XKR4: variants seen among roughly 807,000 people sequenced by gnomAD.
XKR4 encodes XK-related protein 4.
A neutral mutation model predicts 53.9 loss-of-function variants in XKR4; 12 were observed. The observed-to-expected ratio is 0.22, with a 90% CI of 0.14 to 0.36. The LOEUF (loss-of-function observed/expected upper bound fraction) is 0.36. Among genes scored for constraint, XKR4 ranks in the 10% least tolerant of loss-of-function variants. The pLI is 1.00. For missense variants in XKR4, 799 were observed against 859.5 expected (o/e 0.93, Z 0.88); for synonymous variants, 354 against 362.4 (o/e 0.98, Z 0.26).
intron 1 of XKR4, among the ~76,000 whole-genome samples, chr8:55,353,675 G>T (rs1803758571): frequency 6.6e-6 from 1 of 152,194 alleles, no homozygotes; most frequent in Admixed American, 6.5e-5. Context: ...ATGATCGAAT[G>T]GAGACTATTT....
At chr8:55,126,128 A>G (rs751450072) in intron 1 of XKR4, among the ~76,000 whole-genome samples, 21 of 152,206 alleles carry the variant, frequency 1.4e-4, no homozygotes, top group Admixed American at 2.6e-4. Context: ...GAAAGAAGGA[A>G]GGAAGAGAGT....
chr8:55,513,368 T>G (rs939882810), intron 2 of XKR4, among the ~76,000 whole-genome samples: 1 of 152,152 alleles, frequency 6.6e-6, no homozygotes, highest in Non-Finnish European at 1.5e-5. Flanking sequence ...TAGGGACATC[T>G]AGGAAGGAGA....
chr8:55,459,342 A>G (rs180947455), intron 2 of XKR4, among the ~76,000 whole-genome samples: 119 of 152,318 alleles, frequency 7.8e-4, no homozygotes, highest in Non-Finnish European at 1.8e-4. Flanking sequence ...TAAAACATAG[A>G]AGAAAATCTT....
intron 2 of XKR4, chr8:55,452,433 C>T (rs996699036): frequency 2.1e-5 from 13 of 621,970 alleles, no homozygotes; most frequent in South Asian, 1.9e-4. Context: ...TGCTGGCCAC[C>T]CCGCACTGCC....
At chr8:55,466,403 C>T (rs189049733) in intron 2 of XKR4, among the ~76,000 whole-genome samples, 2 of 150,092 alleles carry the variant, frequency 1.3e-5, no homozygotes, top group East Asian at 3.9e-4. Flanking sequence ...CCAAACACCT[C>T]GTGTTCTCAC....
intron 1 of XKR4, among the ~76,000 whole-genome samples, chr8:55,125,189 CT>C: frequency 6.6e-6 from 1 of 152,218 alleles, no homozygotes; most frequent in South Asian, 2.1e-4. Context: ...GTAAGAAGTT[CT>C]ATTTGCAGTT....
chr8:55,301,840 G>A (rs998840455), intron 1 of XKR4, among the ~76,000 whole-genome samples: 1 of 152,134 alleles, frequency 6.6e-6, no homozygotes, highest in African/African-American at 2.4e-5. Context: ...TTTTGATGGG[G>A]TTGTTTGTTT....
At chr8:55,433,852 C>A (rs1009936486) in intron 2 of XKR4, among the ~76,000 whole-genome samples, 1 of 152,024 alleles carries the variant, frequency 6.6e-6, no homozygotes, top group Non-Finnish European at 1.5e-5. Flanking sequence ...ATAGGGAGAT[C>A]CCATCTCTAC....
At chr8:55,285,421 T>C (rs969567758) in intron 1 of XKR4, among the ~76,000 whole-genome samples, 1 of 151,920 alleles carries the variant, frequency 6.6e-6, no homozygotes, top group Non-Finnish European at 1.5e-5. Flanking sequence ...AGGTGAAAAC[T>C]TAGCAACAGA....
intron 1 of XKR4, among the ~76,000 whole-genome samples, chr8:55,349,686 T>A (rs758337784): frequency 6.6e-6 from 1 of 152,162 alleles, no homozygotes; most frequent in African/African-American, 2.4e-5. Flanking sequence ...CCAACGAATG[T>A]TAAACCTTAA....
intron 2 of XKR4, among the ~76,000 whole-genome samples, chr8:55,483,744 G>A (rs1216390281): frequency 6.8e-6 from 1 of 146,196 alleles, no homozygotes; most frequent in Non-Finnish European, 1.5e-5. Context: ...CATTAGAAAA[G>A]TGAAAAGCCT....
intron 1 of XKR4, among the ~76,000 whole-genome samples, chr8:55,307,015 G>A (rs1218359771): frequency 1.3e-5 from 2 of 149,904 alleles, no homozygotes; most frequent in Admixed American, 6.7e-5. Context: ...AGACTTAAAT[G>A]TACATTTTAA....
At position 55,102,762 on chromosome 8, in the gene XKR4, G is replaced by T. The variant is rs745758089; in HGVS notation, c.274G>T (p.Gly92Cys). 6 of 1,327,436 alleles carry T rather than the reference G, an allele frequency of 4.5e-6. No homozygotes were observed. The South Asian group carries it at 1.0e-4, about 22-fold the overall frequency. 82.2% of individuals were successfully genotyped at this position (1,327,436 alleles called of 1,614,324 possible). A position where few individuals can be genotyped will look rare whatever the true frequency, so the allele number is the denominator to read the frequency against. Residue 92 changes from glycine to cysteine, a missense_variant, in exon 1 of 3, where the codon GGC becomes TGC. Transcript: ENST00000327381. This position sits in a 1 kb window ranked among gnomAD's most constrained non-coding sequence, Gnocchi z 5.1. ...GVAGPGGGGA[G>C]SAALCLRLGR... ...CGCCGGCCCGGGCGGCGGCGGGGCG[G>T]GCTCGGCTGCGCTGTGCCTGCGCCT...
chr8:55,192,311 A>C (rs1817453867), intron 1 of XKR4, among the ~76,000 whole-genome samples: 2 of 151,110 alleles, frequency 1.3e-5, no homozygotes, highest in South Asian at 4.2e-4. Context: ...TAAAACTACT[A>C]AGATAGAAGG....
intron 1 of XKR4, among the ~76,000 whole-genome samples, chr8:55,227,367 C>A (rs1817967687): frequency 6.6e-6 from 1 of 152,152 alleles, no homozygotes. Context: ...ACTGAGGGAC[C>A]AAGGCAGGCC....
intron 1 of XKR4, among the ~76,000 whole-genome samples, chr8:55,317,728 C>T (rs2129379034): frequency 6.6e-6 from 1 of 152,228 alleles, no homozygotes; most frequent in Admixed American, 6.5e-5. Context: ...GTGGACAACT[C>T]AGGCAGGACG....
At position 55,102,919 on chromosome 8, in the gene XKR4, G is replaced by T; in HGVS notation, c.431G>T (p.Trp144Leu). The T allele has an allele frequency of 6.2e-7, 1 of 1,611,890 alleles. No homozygotes were observed. Among genetic ancestry groups the T allele is most frequent in the Middle Eastern group, 1.6e-4 (1 of 6,062 alleles). ...VDYYLRGQRWWFGLTLFFVVL... is the reference protein window; with the variant it reads ...VDYYLRGQRWLFGLTLFFVVL... Reference sequence around the variant, plus strand: ...TACTACCTGCGCGGCCAGCGCTGGTGGTTCGGGCTCACGCTCTTCTTCGTG... The same window carrying T: ...TACTACCTGCGCGGCCAGCGCTGGTTGTTCGGGCTCACGCTCTTCTTCGTG... Residue 144 changes from tryptophan (W) to leucine (L), a missense_variant, in exon 1 of 3, where the codon TGG becomes TTG. By Grantham distance (61) the Trp-to-Leu change is moderately conservative (BLOSUM62 -2). Coordinates refer to ENST00000327381, the MANE Select transcript of XKR4 (RefSeq NM_052898.2). This position sits in a 1 kb window ranked among gnomAD's most constrained non-coding sequence, Gnocchi z 5.1.
intron 2 of XKR4, among the ~76,000 whole-genome samples, chr8:55,461,147 T>C (rs1411847301): frequency 1.3e-5 from 2 of 152,204 alleles, no homozygotes; most frequent in Non-Finnish European, 2.9e-5. Flanking sequence ...AGCACGCAGC[T>C]TGAGATCTGA....
intron 1 of XKR4, among the ~76,000 whole-genome samples, chr8:55,206,919 C>G (rs940568059): frequency 2.6e-5 from 4 of 152,234 alleles, no homozygotes; most frequent in Non-Finnish European, 5.9e-5. Flanking sequence ...TGGAAACCCT[C>G]TCATTCAGCT....
Sources: gnomAD v4.1 joint callset for allele counts (sites outside exome capture counted in the v4.1 genomes callset) on GRCh38, gnomAD v4.1.1 for gene constraint, Gnocchi (gnomAD v3.1) non-coding constraint, MANE v1.5 for transcripts, NCBI Gene and HGNC (gene_info 2026-07-23, HGNC 2026-07-21) for gene names.